The following TSBP1 variants were observed in gnomAD, a reference collection of about 807,000 sequenced individuals.
TSBP1 encodes the protein testis-expressed basic protein 1.
Under a neutral mutation model 68.8 loss-of-function variants are expected in TSBP1, and 56 were observed. The ratio of observed to expected loss-of-function variants is 0.81; its 90% confidence interval spans 0.66 to 1.02. TSBP1 has a LOEUF of 1.02. Ranked by LOEUF, TSBP1 falls within the 50% of genes least tolerant of loss-of-function variation. TSBP1 has a pLI of 0.00. For missense variants in TSBP1, 502 were observed against 641.2 expected (o/e 0.78, Z 2.34); for synonymous variants, 171 against 208.7 (o/e 0.82, Z 1.56).
intron 2 of TSBP1, among the ~76,000 whole-genome samples, chr6:32,369,270 T>C (rs1583197322): frequency 6.9e-6 from 1 of 144,046 alleles, no homozygotes; most frequent in East Asian, 2.0e-4. Flanking sequence ...AGCAACATAC[T>C]GTCTTCTCAC....
At position 32,293,906 on chromosome 6, in the gene TSBP1, T is replaced by C. The variant is rs763188201; in HGVS notation, c.767A>G (p.Asp256Gly). The change falls in exon 23 of 23, where the codon GAC becomes GGC. Residue 256 changes from aspartate (D) to glycine (G), a missense_variant. Coordinates refer to ENST00000612031, the Ensembl canonical transcript of TSBP1. ...TTCTACAGAATTCGTAAATATGATG[T>C]CATTCTTTAGTGCTTCCTTGTTTTC... The C allele has an allele frequency of 1.9e-6, 3 of 1,612,790 alleles. No individual in the cohort carries two copies. In the African/African-American group the frequency reaches 4.0e-5, roughly 22 times the overall value.
chr6:32,367,265 A>AGAGAGAGAGAGAGAGAGAGAGAGAGAG lies in TSBP1; in HGVS notation c.166+659_166+660insCTCTCTCTCTCTCTCTCTCTCTCTCTC, dbSNP rs9281758. On this transcript the variant is annotated intron_variant, in intron 4 of 22. Transcript: ENST00000612031. ...GGAAAGAGAGAGAGAGAGAGAGAGA[A>AGAGAGAGAGAGAGAGAGAGAGAGAGAG]AGAGAGAGAGAGACAGCCGAGGGAA... 9.3e-5 allele frequency among the ~76,000 whole-genome samples: 11 copies of AGAGAGAGAGAGAGAGAGAGAGAGAGAG among 117,816 alleles called. No homozygotes were observed. The East Asian group carries it at 1.1e-3, about 11-fold the overall frequency. The allele number at this position is 117,816 out of a possible 152,430, so 77.3% of individuals were successfully genotyped here. A position where few individuals can be genotyped will look rare whatever the true frequency, so the allele number is the denominator to read the frequency against.
chr6:32,345,775 C>T (rs1252240295), intron 9 of TSBP1, among the ~76,000 whole-genome samples: 3 of 152,070 alleles, frequency 2.0e-5, no homozygotes, highest in African/African-American at 7.2e-5. Context: ...GGATCAAGTC[C>T]TTTGAGGTCC....
intron 4 of TSBP1, 60 bp downstream of exon 4, chr6:32,367,865 A>T: frequency 7.8e-7 from 1 of 1,282,796 alleles, no homozygotes; most frequent in Admixed American, 2.0e-5. Flanking sequence ...AGATGAGTTG[A>T]TTCACACTCT....
At chr6:32,320,190 C>T (rs959883239) in intron 18 of TSBP1, 3 of 456,526 alleles carry the variant, frequency 6.6e-6, no homozygotes, top group African/African-American at 6.0e-5. Flanking sequence ...TTCTTGGTGG[C>T]TATTGTCCTA....
rs1221468973 is a variant in TSBP1 at position 32,359,688 on chromosome 6, T to C, written c.218-4019A>G. ...TGTCCATTTTGGCTTTTGTTGCCAT[T>C]GCTTTTGGTGTTTTAGACATGAAGT... On this transcript the variant is annotated intron_variant, in intron 6 of 22. Transcript: ENST00000612031. Among the ~76,000 whole-genome samples, 3 of 152,156 alleles carry C rather than the reference T, an allele frequency of 2.0e-5. No individual in the cohort carries two copies. In the East Asian group the frequency reaches 5.8e-4, roughly 29 times the overall value.
chr6:32,293,958 T>C, exon 23 of TSBP1: 2 of 1,612,534 alleles, frequency 1.2e-6, no homozygotes, highest in Non-Finnish European at 1.7e-6. Flanking sequence ...GACCTTGCAG[T>C]GCCTCCACAT....
chr6:32,341,536 T>C (rs1163196805), intron 9 of TSBP1, among the ~76,000 whole-genome samples: 1 of 152,164 alleles, frequency 6.6e-6, no homozygotes, highest in East Asian at 1.9e-4. Flanking sequence ...AACACATCTA[T>C]AGGTGGCACC....
intron 19 of TSBP1, among the ~76,000 whole-genome samples, chr6:32,307,967 G>A (rs1285447274): frequency 6.6e-6 from 1 of 151,682 alleles, no homozygotes; most frequent in African/African-American, 2.4e-5. Context: ...TAGAGACAGG[G>A]TTTCACCATG....
At chr6:32,339,563 T>TA in intron 10 of TSBP1, 37 bp downstream of exon 11, 27 of 1,137,314 alleles carry the variant, frequency 2.4e-5, no homozygotes, top group African/African-American at 2.9e-5. Context: ...TAGGTGTCAG[T>TA]AAAAAAAGGA....
At chr6:32,362,548 A>T (rs537242842) in intron 6 of TSBP1, among the ~76,000 whole-genome samples, 1 of 152,352 alleles carries the variant, frequency 6.6e-6, no homozygotes, top group Admixed American at 6.5e-5. Context: ...GACAAATATT[A>T]ACCACTTATC....
At chr6:32,320,742 T>C (rs1244890129) in intron 18 of TSBP1, among the ~76,000 whole-genome samples, 2 of 152,172 alleles carry the variant, frequency 1.3e-5, no homozygotes, top group African/African-American at 4.8e-5. Flanking sequence ...AAGGTTGTTA[T>C]ATAGGTAAAC....
At chr6:32,355,614 A>G (rs1772213148) in intron 7 of TSBP1, 35 bp downstream of exon 7, 1 of 1,591,156 alleles carries the variant, frequency 6.3e-7, no homozygotes, top group South Asian at 1.1e-5. Context: ...ACTAATAGGA[A>G]GCAAATTTTT....
At position 32,343,809 on chromosome 6, in the gene TSBP1, G is replaced by A. The variant is rs1423836543; in HGVS notation, c.350-4171C>T. Among the ~76,000 whole-genome samples the A allele has an allele frequency of 6.6e-6, 1 of 151,406 alleles. No homozygotes were observed. Among genetic ancestry groups the A allele is most frequent in the East Asian group, 1.9e-4 (1 of 5,190 alleles). The stretch of plus-strand genomic sequence containing the variant: ...TTCCTTAAACATTTTTTTCTTTAAC[G>A]TACTGACCATCTTCCCTCTCCAACA... On this transcript the variant is annotated intron_variant, in intron 9 of 22. Transcript: ENST00000612031. The surrounding 1 kb of genome is among the most constrained non-coding windows in gnomAD (Gnocchi z 4.3).
intron 8 of TSBP1, chr6:32,349,975 A>G (rs566304778): frequency 4.0e-6 from 3 of 752,224 alleles, no homozygotes; most frequent in South Asian, 2.8e-5. Flanking sequence ...TACAAGATCT[A>G]TGCAACCTGT....
At position 32,336,543 on chromosome 6, in the gene TSBP1, C is replaced by A. The variant is rs1583089881; in HGVS notation, c.430+72G>T. On this transcript the variant is annotated intron_variant, in intron 12 of 22. Coordinates refer to ENST00000612031, the Ensembl canonical transcript of TSBP1. The surrounding 1 kb of genome is among the most constrained non-coding windows in gnomAD (Gnocchi z 5.2). The stretch of plus-strand genomic sequence containing the variant: ...TGAAATTATTTTTAAAAATGCAGGG[C>A]AGATCAGGCCCCAAGACCTTGTAGG... 2.5e-6 allele frequency: 3 copies of A among 1,221,350 alleles called. No individual in the cohort carries two copies. The East Asian group carries it at 7.0e-5, about 28-fold the overall frequency. The allele number at this position is 1,221,350 out of a possible 1,614,324, so 75.7% of individuals were successfully genotyped here.
At chr6:32,347,097 T>C (rs1771103736) in intron 9 of TSBP1, among the ~76,000 whole-genome samples, 1 of 152,142 alleles carries the variant, frequency 6.6e-6, no homozygotes, top group South Asian at 2.1e-4. Context: ...ATACCATAAA[T>C]ATATACAATT....
chr6:32,296,938 CTA>C (rs1436543951), intron 22 of TSBP1, among the ~76,000 whole-genome samples: 4 of 152,150 alleles, frequency 2.6e-5, no homozygotes, highest in African/African-American at 4.8e-5. Context: ...AAAAATACCT[CTA>C]GTTACTTCTA....
At chr6:32,323,716 A>G in intron 16 of TSBP1, 102 bp from the exon 18 acceptor site, 1 of 997,854 alleles carries the variant, frequency 1.0e-6, no homozygotes, top group Non-Finnish European at 1.5e-6. Flanking sequence ...ACAATAGGGA[A>G]AACTTTCCCT....
Sources: gnomAD v4.1 joint callset for allele counts (sites outside exome capture counted in the v4.1 genomes callset) on GRCh38, gnomAD v4.1.1 for gene constraint, Gnocchi (gnomAD v3.1) non-coding constraint, MANE v1.5 for transcripts, NCBI Gene and HGNC (gene_info 2026-07-23, HGNC 2026-07-21) for gene names.